The following ALK variants were observed in gnomAD, a reference collection of about 807,000 sequenced individuals.
ALK encodes ALK tyrosine kinase receptor.
ALK carries 74 observed loss-of-function variants against 163.1 expected under a neutral mutation model. The ratio of observed to expected loss-of-function variants is 0.45; its 90% CI spans 0.38 to 0.55. The LOEUF (loss-of-function observed/expected upper bound fraction) is 0.55, where lower values mean the gene tolerates loss of function less well. Ranked by LOEUF, ALK falls within the 20% of genes least tolerant of loss-of-function variation. The pLI is 0.00. For synonymous variants in ALK, 960 were observed against 843.2 expected (o/e 1.14, Z -2.40); for missense variants, 2,063 against 2,105.3 (o/e 0.98, Z 0.39).
chr2:29,226,092 G>C (rs1345958689), intron 18 of ALK, among the ~76,000 whole-genome samples: 2 of 152,098 alleles, frequency 1.3e-5, no homozygotes, highest in African/African-American at 4.8e-5. Flanking sequence ...ATGCAGAAGA[G>C]GGACACTGGT....
intron 4 of ALK, among the ~76,000 whole-genome samples, chr2:29,397,389 A>T (rs1395588326): frequency 6.6e-6 from 1 of 152,190 alleles, no homozygotes; most frequent in Non-Finnish European, 1.5e-5. Context: ...ATTCTTCCTC[A>T]CAGGCCTCAG....
chr2:29,201,618 C>T (rs993662799), intron 26 of ALK, among the ~76,000 whole-genome samples: 6 of 152,026 alleles, frequency 3.9e-5, no homozygotes, highest in African/African-American at 1.2e-4. Flanking sequence ...GAAATCCCGT[C>T]TCTACTAAAA....
At chr2:29,808,491 A>G (rs188683054) in intron 1 of ALK, among the ~76,000 whole-genome samples, 6 of 152,316 alleles carry the variant, frequency 3.9e-5, no homozygotes, top group South Asian at 2.1e-4. Flanking sequence ...TAGTGACAGA[A>G]TTAGTCACTT....
At chr2:29,378,885 G>C (rs1159001835) in intron 5 of ALK, among the ~76,000 whole-genome samples, 4 of 151,970 alleles carry the variant, frequency 2.6e-5, no homozygotes, top group African/African-American at 9.7e-5. Context: ...TACTTTTTTT[G>C]TATTTTCAGT....
At chr2:29,739,240 T>TAA (rs57381961) in intron 1 of ALK, among the ~76,000 whole-genome samples, 38 of 40,332 alleles carry the variant, frequency 9.4e-4, no homozygotes, top group African/African-American at 3.8e-3. Context: ...CAGTCTCTCT[T>TAA]AAAAAAAAAA....
intron 1 of ALK, among the ~76,000 whole-genome samples, chr2:29,901,015 AAGCAAGCAAGCAAGC>A (rs1280428657): frequency 2.0e-5 from 3 of 149,428 alleles, no homozygotes; most frequent in African/African-American, 7.7e-5. Context: ...GCAAGCAAGC[AAGCAAGCAAGCAAGC>A]AAGCTTTTCC....
chr2:29,492,390 G>A (rs1434641768), intron 4 of ALK, among the ~76,000 whole-genome samples: 1 of 152,188 alleles, frequency 6.6e-6, no homozygotes, highest in Admixed American at 6.5e-5. Flanking sequence ...GACCTTATAA[G>A]AAGAGAGACA....
At chr2:29,819,451 C>A (rs903692375) in intron 1 of ALK, among the ~76,000 whole-genome samples, 1 of 152,208 alleles carries the variant, frequency 6.6e-6, no homozygotes, top group Non-Finnish European at 1.5e-5. Context: ...TTAGCTAATA[C>A]TGCTTGAAAC....
At chr2:29,209,158 T>G (rs926071805) in intron 25 of ALK, among the ~76,000 whole-genome samples, 1 of 152,116 alleles carries the variant, frequency 6.6e-6, no homozygotes, top group East Asian at 1.9e-4. Context: ...AAGCTCACTT[T>G]GAAGGTCTTT....
intron 1 of ALK, among the ~76,000 whole-genome samples, chr2:29,830,735 A>C (rs1166944046): frequency 3.1e-5 from 4 of 130,892 alleles, no homozygotes; most frequent in Non-Finnish European, 4.7e-5. Context: ...AAAAAAAAAA[A>C]AAAAAAAAAA....
chr2:29,441,876 G>A (rs531036685), intron 4 of ALK, among the ~76,000 whole-genome samples: 1 of 152,222 alleles, frequency 6.6e-6, no homozygotes, highest in Non-Finnish European at 1.5e-5. Context: ...CATTCATCTG[G>A]CCCATTGTGA....
chr2:29,606,099 A>C (rs1179492145), intron 3 of ALK, among the ~76,000 whole-genome samples: 1 of 152,180 alleles, frequency 6.6e-6, no homozygotes, highest in East Asian at 1.9e-4. Context: ...AATATTTTCT[A>C]ATCACTCTTC....
chr2:29,301,839 C>T (rs1409520013), intron 8 of ALK, among the ~76,000 whole-genome samples: 1 of 152,126 alleles, frequency 6.6e-6, no homozygotes, highest in Admixed American at 6.5e-5. Flanking sequence ...GACTGGCCAC[C>T]CAGGGATGGT....
At chr2:29,588,793 T>C (rs1032816135) in intron 3 of ALK, among the ~76,000 whole-genome samples, 8 of 152,244 alleles carry the variant, frequency 5.3e-5, no homozygotes, top group African/African-American at 9.6e-5. Flanking sequence ...GAATTTCATA[T>C]AATGTTCATG....
At chr2:29,519,320 C>T (rs1294561099) in intron 4 of ALK, among the ~76,000 whole-genome samples, 2 of 152,096 alleles carry the variant, frequency 1.3e-5, no homozygotes, top group African/African-American at 4.8e-5. Flanking sequence ...AATTTGAATT[C>T]AATTACTTTT....
At chr2:29,614,234 G>T (rs901345022) in intron 3 of ALK, among the ~76,000 whole-genome samples, 1 of 152,130 alleles carries the variant, frequency 6.6e-6, no homozygotes, top group Non-Finnish European at 1.5e-5. Flanking sequence ...TTCCAGTGGC[G>T]CTGGCATCAG....
intron 3 of ALK, among the ~76,000 whole-genome samples, chr2:29,660,000 C>G (rs528381716): frequency 6.6e-6 from 1 of 152,274 alleles, no homozygotes; most frequent in East Asian, 1.9e-4. Context: ...TAGACTCCAT[C>G]TTTTAAAAAG....
At chr2:29,284,249 A>C (rs1342531428) in intron 9 of ALK, among the ~76,000 whole-genome samples, 1 of 152,172 alleles carries the variant, frequency 6.6e-6, no homozygotes, top group Non-Finnish European at 1.5e-5. Flanking sequence ...CCAGGTGGAC[A>C]TAAAGATATT....
Position 29,567,886 on chromosome 2 carries a change from A to G in ALK, c.953-35770T>C, listed in dbSNP as rs113066378. Among the ~76,000 whole-genome samples, 931 of 152,346 alleles carry G rather than the reference A, an allele frequency of 6.1e-3. 6 individuals are homozygous for G. The highest frequency in any genetic ancestry group is 9.8e-3 in the Non-Finnish European group (665 of 68,026). On this transcript the variant is annotated intron_variant, in intron 3 of 28. Transcript: ENST00000389048. ...AAAGCTCAGCCTATTAGCGTTAAATACTAGGCTTGGGGATGTGTGTACCTT... is the reference window on the plus strand; with the variant it reads ...AAAGCTCAGCCTATTAGCGTTAAATGCTAGGCTTGGGGATGTGTGTACCTT...
Sources: gnomAD v4.1 joint callset for allele counts (sites outside exome capture counted in the v4.1 genomes callset) on GRCh38, gnomAD v4.1.1 for gene constraint, MANE v1.5 for transcripts, NCBI Gene and HGNC (gene_info 2026-07-23, HGNC 2026-07-21) for gene names.